Variants in APBA2 observed in about 807,000 individuals in gnomAD.
APBA2 encodes amyloid-beta A4 precursor protein-binding family A member 2.
APBA2 carries 30 observed loss-of-function variants against 75.0 expected under a neutral mutation model. That is an observed-to-expected ratio of 0.40 (90% CI 0.30 to 0.54). The LOEUF is 0.54. Ranked by LOEUF, APBA2 falls within the 20% of genes least tolerant of loss-of-function variation. The probability of loss-of-function intolerance (pLI) is 0.49; values close to 1 mark genes in which losing one functional copy is unlikely to be tolerated. For missense variants in APBA2, 801 were observed against 1,016.1 expected, an observed-to-expected ratio of 0.79 and a Z score of 2.88; for synonymous variants, 444 against 409.6, an observed-to-expected ratio of 1.08 and a Z score of -1.01.
In APBA2 at chr15:29,101,985, G is replaced by T. The variant is rs190902456; in HGVS notation, c.1524+201G>T. 3,944 of 636,176 alleles carry T rather than the reference G, an allele frequency of 6.2e-3. 26 individuals carry two copies. The highest frequency in any genetic ancestry group is 8.7e-3 in the Non-Finnish European group (3,093 of 353,984). 39.4% of individuals were successfully genotyped at this position (636,176 alleles called of 1,614,324 possible). On this transcript the variant is annotated intron_variant, in intron 10 of 14. Transcript: ENST00000683413. ...AGTTTTATTCTACTTCTTGAAATAG[G>T]TTCTTCAGGAGCTGTTTATAAATTG...
intron 10 of APBA2, among the ~76,000 whole-genome samples, chr15:29,102,976 C>T (rs1388606631): frequency 1.7e-5 from 2 of 118,944 alleles, no homozygotes; most frequent in African/African-American, 2.5e-5. Flanking sequence ...AGTGCTTCGG[C>T]GCAATGGCAG....
intron 6 of APBA2, among the ~76,000 whole-genome samples, chr15:29,088,453 C>A (rs1223654373): frequency 6.6e-6 from 1 of 152,214 alleles, no homozygotes; most frequent in Non-Finnish European, 1.5e-5. Flanking sequence ...TCCAGGCACC[C>A]TTTCTCAGTG....
intron 2 of APBA2, among the ~76,000 whole-genome samples, chr15:28,958,591 G>A (rs545350592): frequency 3.9e-5 from 6 of 152,288 alleles, no homozygotes; most frequent in African/African-American, 1.4e-4. Context: ...TTTTGTCAGC[G>A]GCACAGAGCT....
rs146330564 is a variant in APBA2, at chr15:28,948,593, G to A, written c.-95+26844G>A. Among the ~76,000 whole-genome samples, 225 of 152,294 alleles carry A rather than the reference G, an allele frequency of 1.5e-3. 1 individual carries two copies. Among genetic ancestry groups the A allele is most frequent in the East Asian group, 1.9e-3 (10 of 5,172 alleles). On this transcript the variant is annotated intron_variant, in intron 2 of 14. Transcript: ENST00000683413. ...AGCCACAGCCTTTGCTTACGGCTAC[G>A]CCCTGGAATATTTAACAGCAATTTC...
At chr15:29,060,005 A>C (rs2042062376) in intron 4 of APBA2, among the ~76,000 whole-genome samples, 1 of 152,084 alleles carries the variant, frequency 6.6e-6, no homozygotes. Context: ...GAGAATACAG[A>C]CCCAAGCTTT....
intron 10 of APBA2, among the ~76,000 whole-genome samples, chr15:29,103,749 GCT>G (rs1184451196): frequency 6.6e-6 from 1 of 152,248 alleles, no homozygotes; most frequent in African/African-American, 2.4e-5. Context: ...GGGCTCCAGG[GCT>G]CTCAGGCCGT....
At chr15:29,061,932 G>A (rs1480356986) in intron 4 of APBA2, among the ~76,000 whole-genome samples, 1 of 152,212 alleles carries the variant, frequency 6.6e-6, no homozygotes, top group Non-Finnish European at 1.5e-5. Context: ...ATCAGCGTGT[G>A]GTGGGGCAGC....
At chr15:28,966,985 A>C (rs2036773839) in intron 2 of APBA2, among the ~76,000 whole-genome samples, 2 of 152,224 alleles carry the variant, frequency 1.3e-5, no homozygotes. Context: ...ATGACATAAT[A>C]ACTTTTGCTT....
chr15:28,939,102 C>T (rs1004173566), intron 2 of APBA2, among the ~76,000 whole-genome samples: 4 of 152,140 alleles, frequency 2.6e-5, no homozygotes, highest in African/African-American at 4.8e-5. Context: ...TAAGTGGAAT[C>T]GTGCAGTATT....
rs1257093680 is a variant in APBA2, at chr15:29,054,780, G to C, written c.896G>C (p.Gly299Ala). 5.6e-6 allele frequency: 9 copies of C among 1,604,026 alleles called. No individual in the cohort carries two copies. Among genetic ancestry groups the C allele is most frequent in the Non-Finnish European group, 7.6e-6 (9 of 1,179,962 alleles). Reference sequence around the variant, plus strand: ...AAGCACCCCGGAGACCCCCAGAGAGGCTTCAAGCCCAAGACCAGGACCCCA... The same window carrying C: ...AAGCACCCCGGAGACCCCCAGAGAGCCTTCAAGCCCAAGACCAGGACCCCA... ...EAKHPGDPQR[G>A]FKPKTRTPEE... Residue 299 changes from glycine (G) to alanine (A), a missense_variant, in exon 4 of 15, where the codon GGC becomes GCC. Physicochemically the swap from Gly to Ala is moderately conservative, Grantham distance 60. Transcript: ENST00000683413. The surrounding 1 kb of genome is among the most constrained non-coding windows in gnomAD (Gnocchi z 6.1).
intron 3 of APBA2, among the ~76,000 whole-genome samples, chr15:29,001,504 T>C (rs6495902): frequency 0.12 from 18,261 of 152,214 alleles, 1,554 homozygotes; most frequent in East Asian, 0.27. Context: ...AGCCACTGCC[T>C]CTAGACTTTA....
chr15:29,111,697 AT>A (rs1430956058), intron 13 of APBA2, among the ~76,000 whole-genome samples: 1 of 151,862 alleles, frequency 6.6e-6, no homozygotes, highest in African/African-American at 2.4e-5. Flanking sequence ...GGCTGTCCCC[AT>A]TTGGCCCTCT....
intron 2 of APBA2, among the ~76,000 whole-genome samples, chr15:28,943,535 C>T (rs1174648588): frequency 6.6e-6 from 1 of 152,246 alleles, no homozygotes; most frequent in East Asian, 1.9e-4. Flanking sequence ...GAAACCAAGG[C>T]TCTGAGGGAG....
intron 2 of APBA2, among the ~76,000 whole-genome samples, chr15:28,994,434 C>G (rs898468036): frequency 6.6e-6 from 1 of 151,952 alleles, no homozygotes; most frequent in Admixed American, 6.6e-5. Flanking sequence ...CAGAACAGGC[C>G]GTGAAAAGCC....
intron 10 of APBA2, among the ~76,000 whole-genome samples, chr15:29,104,017 T>C (rs940671854): frequency 1.3e-5 from 2 of 152,216 alleles, no homozygotes; most frequent in Non-Finnish European, 2.9e-5. Context: ...TGGAAACGGC[T>C]TAGGGCCCGT....
chr15:28,918,405 C>G lies in APBA2; in HGVS notation c.-204-3235C>G, dbSNP rs2033788686. On this transcript the variant is annotated intron_variant, in intron 1 of 14. Transcript: ENST00000683413. This position sits in a 1 kb window ranked among gnomAD's most constrained non-coding sequence, Gnocchi z 4.2. ...GAGGGACACAGGAGCAGCCTTGATGCGCAACGCCCCCTCCAGGCCCCGAGT... is the reference window on the plus strand; with the variant it reads ...GAGGGACACAGGAGCAGCCTTGATGGGCAACGCCCCCTCCAGGCCCCGAGT... 6.6e-6 allele frequency among the ~76,000 whole-genome samples: 1 copy of G among 152,152 alleles called. No individual in the cohort carries two copies. Among genetic ancestry groups the G allele is most frequent in the South Asian group, 2.1e-4 (1 of 4,834 alleles).
At chr15:29,014,704 G>GGT (rs565023105) in intron 3 of APBA2, among the ~76,000 whole-genome samples, 2 of 125,636 alleles carry the variant, frequency 1.6e-5, no homozygotes, top group Non-Finnish European at 1.7e-5. Context: ...TCATTTGACT[G>GGT]TTTTTTTTTT....
chr15:28,990,181 G>A (rs949458688), intron 2 of APBA2, among the ~76,000 whole-genome samples: 1 of 152,128 alleles, frequency 6.6e-6, no homozygotes, highest in Non-Finnish European at 1.5e-5. Context: ...AGGCTGAGGC[G>A]GGTGGATCAC....
rs1227318752 is a variant in APBA2 at position 28,894,590 on chromosome 15, A to G, written c.-205+8312A>G. ...GGGCACCCTGGGCACAGGGGGGACT[A>G]TGTGGTTTGTGTAGGTTAGAGCTGG... On this transcript the variant is annotated intron_variant, in intron 1 of 14. Transcript: ENST00000683413. Among the ~76,000 whole-genome samples the G allele has an allele frequency of 4.6e-5, 7 of 152,106 alleles. No homozygotes were observed. In the East Asian group the frequency reaches 7.7e-4, roughly 17 times the overall value.
Sources: gnomAD v4.1 joint callset for allele counts (sites outside exome capture counted in the v4.1 genomes callset) on GRCh38, gnomAD v4.1.1 for gene constraint, Gnocchi (gnomAD v3.1) non-coding constraint, MANE v1.5 for transcripts, NCBI Gene and HGNC (gene_info 2026-07-23, HGNC 2026-07-21) for gene names.